Variants in STK3 observed in about 807,000 individuals in gnomAD.
STK3 encodes serine/threonine kinase 3.
STK3 carries 41 observed loss-of-function variants against 58.0 expected under a neutral mutation model. That is an observed-to-expected ratio of 0.71 (90% CI 0.55 to 0.92). STK3 has a LOEUF of 0.92. STK3 is among the 40% of genes least tolerant of loss of function. The pLI is 0.00. For missense variants in STK3, 479 were observed against 602.7 expected, an observed-to-expected ratio of 0.79 and a Z score of 2.15; for synonymous variants, 170 against 191.0, an observed-to-expected ratio of 0.89 and a Z score of 0.91.
At chr8:98,827,530 ATTATT>A (rs1231418807), upstream of STK3, among the ~76,000 whole-genome samples, 11 of 152,344 alleles carry the variant, frequency 7.2e-5, no homozygotes, top group East Asian at 1.3e-3. Context: ...CTCTTTTTGC[ATTATT>A]TTAAGTTTCA....
intron 3 of STK3, among the ~76,000 whole-genome samples, chr8:98,766,094 C>G (rs983761778): frequency 5.3e-5 from 8 of 152,188 alleles, no homozygotes; most frequent in African/African-American, 1.9e-4. Context: ...ATTAACTCTT[C>G]GTCAGCATTC....
At chr8:98,691,664 G>T (rs1333011578) in intron 6 of STK3, among the ~76,000 whole-genome samples, 1 of 152,064 alleles carries the variant, frequency 6.6e-6, no homozygotes, top group Non-Finnish European at 1.5e-5. Context: ...CGGGCGCAGT[G>T]GCTCAAAACC....
intron 10 of STK3, among the ~76,000 whole-genome samples, chr8:98,524,635 G>A (rs917535732): frequency 1.3e-5 from 2 of 152,096 alleles, no homozygotes; most frequent in Non-Finnish European, 2.9e-5. Flanking sequence ...CAGATCCTAC[G>A]CTGATGTCAA....
downstream of STK3, among the ~76,000 whole-genome samples, chr8:98,370,937 G>T (rs1817603608): frequency 6.6e-6 from 1 of 152,156 alleles, no homozygotes; most frequent in Non-Finnish European, 1.5e-5. Flanking sequence ...AAATGTAGGG[G>T]TATTATATGT....
intron 4 of STK3, among the ~76,000 whole-genome samples, chr8:98,715,602 G>C (rs1182315691): frequency 6.6e-6 from 1 of 152,176 alleles, no homozygotes; most frequent in Non-Finnish European, 1.5e-5. Flanking sequence ...ACACCAGTTA[G>C]AATGGCAATC....
At chr8:98,925,797 C>T (rs533897179) in intron 1 of STK3, among the ~76,000 whole-genome samples, 17 of 152,178 alleles carry the variant, frequency 1.1e-4, no homozygotes, top group South Asian at 4.2e-4. Flanking sequence ...TCAAGGAACC[C>T]GCTGCAGCTG....
At chr8:98,600,440 A>G (rs534060885) in intron 6 of STK3, among the ~76,000 whole-genome samples, 5 of 152,352 alleles carry the variant, frequency 3.3e-5, no homozygotes, top group African/African-American at 1.2e-4. Flanking sequence ...TAAATGCTCA[A>G]TAATGTGAGC....
At chr8:98,413,392 G>A in intron 3 of STK3, 1 of 545,676 alleles carries the variant, frequency 1.8e-6, no homozygotes, top group South Asian at 1.4e-5. Context: ...TGGATCCTTG[G>A]CTACAGTTAA....
chr8:98,557,735 C>A (rs541654604), intron 8 of STK3, among the ~76,000 whole-genome samples: 1 of 152,082 alleles, frequency 6.6e-6, no homozygotes, highest in African/African-American at 2.4e-5. Flanking sequence ...CCTTTCACTA[C>A]GAAATCAGCT....
chr8:98,920,537 G>A (rs116567267), intron 1 of STK3, among the ~76,000 whole-genome samples: 263 of 152,354 alleles, frequency 1.7e-3, no homozygotes, highest in African/African-American at 6.2e-3. Context: ...CCGGGAAGTT[G>A]GCCTTTTATG....
intron 1 of STK3, among the ~76,000 whole-genome samples, chr8:98,886,879 C>T (rs1838009943): frequency 6.6e-6 from 1 of 152,106 alleles, no homozygotes; most frequent in African/African-American, 2.4e-5. Flanking sequence ...GGGTGGATTA[C>T]CTGAGGTCAG....
chr8:98,676,676 T>TA (rs1018837145), intron 6 of STK3, among the ~76,000 whole-genome samples: 5 of 149,380 alleles, frequency 3.3e-5, no homozygotes, highest in African/African-American at 4.9e-5. Context: ...AATAAAAAAG[T>TA]AAAAAAAAAT....
chr8:98,805,779 T>G (rs1167530730), intron 1 of STK3, among the ~76,000 whole-genome samples: 2 of 152,174 alleles, frequency 1.3e-5, no homozygotes, highest in Admixed American at 1.3e-4. Context: ...TATCTCTTCA[T>G]GATGAGATAA....
intron 1 of STK3, among the ~76,000 whole-genome samples, chr8:98,446,010 CAG>C (rs148366410): frequency 0.029 from 4,443 of 152,302 alleles, 103 homozygotes; most frequent in South Asian, 0.061. Context: ...AACTGCAGGG[CAG>C]AGAGAGTAAG....
At chr8:98,510,293 T>C (rs993242900) in intron 10 of STK3, among the ~76,000 whole-genome samples, 1 of 152,106 alleles carries the variant, frequency 6.6e-6, no homozygotes, top group Non-Finnish European at 1.5e-5. Context: ...ATGCAAGTCC[T>C]ATTTTTGTCT....
intron 2 of STK3, among the ~76,000 whole-genome samples, chr8:98,374,986 T>C (rs1334916326): frequency 6.6e-6 from 1 of 152,060 alleles, no homozygotes; most frequent in African/African-American, 2.4e-5. Flanking sequence ...ACACCTGTAA[T>C]CCCAGCACTT....
At chr8:98,643,691 C>A (rs908912576) in intron 6 of STK3, among the ~76,000 whole-genome samples, 2 of 152,158 alleles carry the variant, frequency 1.3e-5, no homozygotes, top group Non-Finnish European at 2.9e-5. Flanking sequence ...GTGGCTGATG[C>A]ACAACAAATA....
At chr8:98,758,517 T>C (rs1300944112) in intron 3 of STK3, among the ~76,000 whole-genome samples, 1 of 152,224 alleles carries the variant, frequency 6.6e-6, no homozygotes, top group East Asian at 1.9e-4. Flanking sequence ...ATAAATGTGA[T>C]TTGCCACATA....
the STK3 span, among the ~76,000 whole-genome samples, chr8:98,351,919 G>A: frequency 6.6e-6 from 1 of 152,094 alleles, no homozygotes; most frequent in African/African-American, 2.4e-5. Flanking sequence ...CAGCACTTTG[G>A]GAGGCTATGG....
Sources: allele counts gnomAD v4.1 joint callset (sites outside exome capture counted in the v4.1 genomes callset), GRCh38; gene constraint gnomAD v4.1.1; transcripts MANE v1.5; gene names NCBI Gene and HGNC (gene_info 2026-07-23, HGNC 2026-07-21).